ZC3H7A: variants seen among roughly 807,000 people sequenced by gnomAD.
The protein encoded by ZC3H7A is zinc finger CCCH domain-containing protein 7A.
ZC3H7A carries 44 observed loss-of-function variants against 125.5 expected under a neutral mutation model. The ratio of observed to expected loss-of-function variants is 0.35; its 90% confidence interval spans 0.28 to 0.45. The LOEUF (loss-of-function observed/expected upper bound fraction) is 0.45, where lower values mean the gene tolerates loss of function less well. Among genes scored for constraint, ZC3H7A ranks in the 20% least tolerant of loss-of-function variants. The probability of loss-of-function intolerance (pLI) is 1.00; values close to 1 mark genes in which losing one functional copy is unlikely to be tolerated. For missense variants in ZC3H7A, 977 were observed against 1,170.7 expected, an observed-to-expected ratio of 0.83 and a Z score of 2.41; for synonymous variants, 399 against 391.2, an observed-to-expected ratio of 1.02 and a Z score of -0.23.
intron 21 of ZC3H7A, among the ~76,000 whole-genome samples, 176 bp downstream of exon 21, chr16:11,756,061 G>A (rs1353491806): frequency 6.6e-6 from 1 of 152,160 alleles, no homozygotes; most frequent in Non-Finnish European, 1.5e-5. Flanking sequence ...TACTTGGGAG[G>A]CTGAGGCAAG....
intron 9 of ZC3H7A, 144 bp downstream of exon 9, chr16:11,774,092 A>G (rs2053037190): frequency 1.3e-6 from 1 of 770,944 alleles, no homozygotes; most frequent in South Asian, 5.1e-5. Context: ...GTTTCAGTAG[A>G]GAAGAAAAAA....
chr16:11,781,555 G>C (rs572067348), intron 2 of ZC3H7A, 91 bp from the exon 3 acceptor site: 1 of 1,325,052 alleles, frequency 7.5e-7, no homozygotes, highest in Admixed American at 1.7e-5. Context: ...GGTTCCATTA[G>C]CTTGCCACTG....
At chr16:11,755,401 A>G (rs947510268) in intron 21 of ZC3H7A, among the ~76,000 whole-genome samples, 2 of 152,170 alleles carry the variant, frequency 1.3e-5, no homozygotes, top group Admixed American at 6.5e-5. Flanking sequence ...TGGGCTCAAG[A>G]TATTTGTTAT....
intron 1 of ZC3H7A, among the ~76,000 whole-genome samples, chr16:11,785,614 C>A (rs750138635): frequency 6.6e-6 from 1 of 151,722 alleles, no homozygotes; most frequent in Non-Finnish European, 1.5e-5. Context: ...ATCCATATGA[C>A]CCATTTTGTT....
At chr16:11,779,799 C>T (rs539433659) in intron 3 of ZC3H7A, among the ~76,000 whole-genome samples, 5 of 151,992 alleles carry the variant, frequency 3.3e-5, no homozygotes, top group African/African-American at 9.7e-5. Flanking sequence ...TGTGTGTACA[C>T]GTGTGTGGGT....
At chr16:11,751,530 A>G in intron 22 of ZC3H7A, 24 bp from the exon 23 acceptor site, 1 of 1,601,278 alleles carries the variant, frequency 6.2e-7, no homozygotes, top group Non-Finnish European at 8.5e-7. Flanking sequence ...TCAGCTGCTC[A>G]GTGTCCATAT....
In ZC3H7A at chr16:11,767,458, G is replaced by C. The variant is rs554834207; in HGVS notation, c.1481C>G (p.Pro494Arg). 1 of 1,605,198 alleles carries C rather than the reference G, an allele frequency of 6.2e-7. No homozygotes were observed. The highest frequency in any genetic ancestry group is 1.1e-5 in the South Asian group (1 of 90,294). ...TGGTCCTTCATAATTTGTTTTTGTT[G>C]GTCTTGGACGTATTTTTTTCCATGA... is the stretch of plus-strand genomic sequence containing the variant. ...DKSWKKIRPR[P>R]TKTNYEGPYY... The change falls in exon 13 of 23, where the codon CCA (proline) becomes CGA (arginine). Residue 494 changes from proline to arginine, a missense_variant. By Grantham distance (103) the Pro-to-Arg change is moderately radical. Transcript: ENST00000355758.
In ZC3H7A at chr16:11,768,367, G is replaced by C. The variant is rs1285217961; in HGVS notation, c.1308C>G (p.Leu436=). 2 of 1,586,716 alleles carry C rather than the reference G, an allele frequency of 1.3e-6. No individual in the cohort carries two copies. The highest frequency in any genetic ancestry group is 1.7e-5 in the Admixed American group (1 of 58,812). The change falls in exon 12 of 23, where the codon CTC becomes CTG. Residue 436 remains leucine (L), a synonymous_variant. Coordinates refer to ENST00000355758, the MANE Select transcript of ZC3H7A (RefSeq NM_014153.4). Reference sequence around the variant, plus strand: ...CTTGTCTCAATTCATGGGTTCCTTCGAGGGGATGTCTTGGAGTCACTGATG... The same window carrying C: ...CTTGTCTCAATTCATGGGTTCCTTCCAGGGGATGTCTTGGAGTCACTGATG... The part of the protein sequence containing the change: ...PSSSVTPRHP[L]EGTHELRQAC...
At chr16:11,763,699 T>C (rs770789290) in intron 15 of ZC3H7A, 40 bp from the exon 16 acceptor site, 12 of 941,470 alleles carry the variant, frequency 1.3e-5, no homozygotes, top group South Asian at 4.8e-5. Context: ...TGTTCTGCCA[T>C]AGATTTTTCA....
At chr16:11,766,748 T>G (rs760830709) in intron 13 of ZC3H7A, among the ~76,000 whole-genome samples, 16 of 151,678 alleles carry the variant, frequency 1.1e-4, no homozygotes, top group African/African-American at 3.9e-4. Flanking sequence ...CCAGGTGTAC[T>G]GGCGCATGCC....
At chr16:11,783,218 ATTG>A (rs1248143293) in intron 1 of ZC3H7A, among the ~76,000 whole-genome samples, 1 of 152,222 alleles carries the variant, frequency 6.6e-6, no homozygotes. Context: ...CAAAATGATT[ATTG>A]TTGATACAAC....
At chr16:11,791,382 C>A (rs564663252) in intron 1 of ZC3H7A, among the ~76,000 whole-genome samples, 2 of 152,116 alleles carry the variant, frequency 1.3e-5, no homozygotes, top group Non-Finnish European at 2.9e-5. Context: ...CAGCTCTTCA[C>A]AGAGCTGCCT....
At chr16:11,787,643 G>C (rs1300576354) in intron 1 of ZC3H7A, among the ~76,000 whole-genome samples, 1 of 152,018 alleles carries the variant, frequency 6.6e-6, no homozygotes, top group African/African-American at 2.4e-5. Flanking sequence ...TAATTTCACA[G>C]GGATTAAAAG....
chr16:11,771,166 C>A (rs947725430), intron 9 of ZC3H7A, among the ~76,000 whole-genome samples, 179 bp from the exon 10 acceptor site: 1 of 152,002 alleles, frequency 6.6e-6, no homozygotes. Flanking sequence ...GGCAGGCGGA[C>A]TGCCTGAGCT....
chr16:11,768,433 G>A lies in ZC3H7A; in HGVS notation c.1242C>T (p.Asp414=). Reference sequence around the variant, plus strand: ...CTGCACTTCCAAAAAAGTTTCCAAAGTCATTTCTAGGCTGACTTGAAATTC... The same window carrying A: ...CTGCACTTCCAAAAAAGTTTCCAAAATCATTTCTAGGCTGACTTGAAATTC... ...FLGISSQPRN[D]FGNFFGSAVT... is the part of the protein sequence containing the mutation. The change falls in exon 12 of 23, where the codon GAC becomes GAT. Residue 414 remains aspartate, a synonymous_variant. Coordinates refer to ENST00000355758, the MANE Select transcript of ZC3H7A (RefSeq NM_014153.4). The A allele has an allele frequency of 6.3e-7, 1 of 1,581,584 alleles. No individual in the cohort carries two copies. The highest frequency in any genetic ancestry group is 8.6e-7 in the Non-Finnish European group (1 of 1,159,692).
In ZC3H7A at chr16:11,765,771, C is replaced by A; in HGVS notation, c.1523-86G>T. Reference sequence around the variant, plus strand: ...ACTTGGGAGGCTGAGGTGGGAGGATCCCTTGAGCCCAGGAGTTCAAGGCTG... The same window carrying A: ...ACTTGGGAGGCTGAGGTGGGAGGATACCTTGAGCCCAGGAGTTCAAGGCTG... On this transcript the variant is annotated intron_variant, in intron 13 of 22. Transcript: ENST00000355758. The surrounding 1 kb of genome is among the most constrained non-coding windows in gnomAD (Gnocchi z 4.8). The A allele has an allele frequency of 2.2e-6, 3 of 1,367,494 alleles. No homozygotes were observed. The highest frequency in any genetic ancestry group is 3.0e-6 in the Non-Finnish European group (3 of 1,008,738). The allele number at this position is 1,367,494 out of a possible 1,614,324, so 84.7% of individuals were successfully genotyped here.
intron 2 of ZC3H7A, among the ~76,000 whole-genome samples, chr16:11,781,944 C>T (rs1274253890): frequency 6.6e-6 from 1 of 152,150 alleles, no homozygotes; most frequent in Middle Eastern, 3.2e-3. Flanking sequence ...AGCTTCTGAA[C>T]AGACACGTCT....
In ZC3H7A at chr16:11,765,172, G is replaced by T; in HGVS notation, c.1720-19C>A. The T allele has an allele frequency of 1.4e-6, 2 of 1,418,904 alleles. No individual in the cohort carries two copies. Among genetic ancestry groups the T allele is most frequent in the Non-Finnish European group, 1.9e-6 (2 of 1,048,634 alleles). The allele number at this position is 1,418,904 out of a possible 1,614,324, so 87.9% of individuals were successfully genotyped here. ...AACATTTCTGGAATAGAGAGAGAAA[G>T]ATTATCAAAAAAAATACAAAATATA... is the stretch of plus-strand genomic sequence containing the variant. On this transcript the variant is annotated intron_variant, in intron 14 of 22. Transcript: ENST00000355758. This position sits in a 1 kb window ranked among gnomAD's most constrained non-coding sequence, Gnocchi z 4.8.
intron 9 of ZC3H7A, among the ~76,000 whole-genome samples, chr16:11,771,963 G>C (rs939632925): frequency 6.6e-6 from 1 of 152,056 alleles, no homozygotes; most frequent in African/African-American, 2.4e-5. Flanking sequence ...GGGAGGATGA[G>C]GTGGGTGGAT....
Sources: gnomAD v4.1 joint callset for allele counts (sites outside exome capture counted in the v4.1 genomes callset) on GRCh38, gnomAD v4.1.1 for gene constraint, Gnocchi (gnomAD v3.1) non-coding constraint, MANE v1.5 for transcripts, NCBI Gene and HGNC (gene_info 2026-07-23, HGNC 2026-07-21) for gene names.